The following NELL1 variants were observed in gnomAD, a reference collection of about 807,000 sequenced individuals.
NELL1 encodes protein kinase C-binding protein NELL1.
A neutral mutation model predicts 107.4 loss-of-function variants in NELL1; 76 were observed. The ratio of observed to expected loss-of-function variants is 0.71; its 90% CI spans 0.59 to 0.86. The LOEUF is 0.86. NELL1 is among the 40% of genes least tolerant of loss of function. The pLI is 0.00. For missense variants in NELL1, 1,024 were observed against 1,005.5 expected (o/e 1.02, Z -0.25); for synonymous variants, 353 against 341.2 (o/e 1.03, Z -0.38).
intron 15 of NELL1, among the ~76,000 whole-genome samples, chr11:21,472,882 C>G (rs1292998900): frequency 6.6e-6 from 1 of 151,718 alleles, no homozygotes; most frequent in Non-Finnish European, 1.5e-5. Flanking sequence ...TCTATTTAAG[C>G]CATCTATGTG....
intron 15 of NELL1, among the ~76,000 whole-genome samples, chr11:21,511,985 T>C (rs1325084014): frequency 2.0e-5 from 3 of 152,140 alleles, no homozygotes; most frequent in African/African-American, 7.2e-5. Context: ...CCTGCCTACT[T>C]GAGTCAGATC....
chr11:21,469,681 T>C (rs1187875210), intron 15 of NELL1, among the ~76,000 whole-genome samples: 1 of 152,072 alleles, frequency 6.6e-6, no homozygotes, highest in African/African-American at 2.4e-5. Context: ...AGATAAGGAA[T>C]GTGATTTCAA....
intron 15 of NELL1, among the ~76,000 whole-genome samples, chr11:21,380,518 C>T (rs1481940543): frequency 4.6e-5 from 7 of 151,926 alleles, no homozygotes; most frequent in African/African-American, 1.7e-4. Flanking sequence ...GTTCAGTAAC[C>T]CCTTTCATCT....
intron 15 of NELL1, among the ~76,000 whole-genome samples, chr11:21,487,894 T>C (rs1055165836): frequency 1.3e-5 from 2 of 152,104 alleles, no homozygotes; most frequent in African/African-American, 4.8e-5. Flanking sequence ...TTATTTCAGA[T>C]AAAACAGACT....
In NELL1 at chr11:21,322,362, GAGTT is replaced by G. The variant is rs1318112783; in HGVS notation, c.1550-48490_1550-48487del. On this transcript the variant is annotated intron_variant, in intron 14 of 19. Coordinates refer to ENST00000357134, the MANE Select transcript of NELL1 (RefSeq NM_006157.5). ...TCTAAATCAGATGCTCTGTGATTCTGAGTTTATGAGTTTAGTTGGTGTATGCCCT... is the reference window on the plus strand; with the variant it reads ...TCTAAATCAGATGCTCTGTGATTCTGTATGAGTTTAGTTGGTGTATGCCCT... 5.3e-5 allele frequency among the ~76,000 whole-genome samples: 8 copies of G among 152,204 alleles called. No individual in the cohort carries two copies. In the East Asian group the frequency reaches 1.5e-3, roughly 29 times the overall value.
chr11:20,755,559 T>TATTTTATTTTTTTTTTTTA (rs1554914196), intron 2 of NELL1, among the ~76,000 whole-genome samples: 1 of 17,668 alleles, frequency 5.7e-5, no homozygotes, highest in African/African-American at 1.0e-4. Context: ...TGTTTTTGTT[T>TATTTTATTTTTTTTTTTTA]TTGTTTTTTT....
chr11:21,042,706 C>G (rs747341577), intron 12 of NELL1, among the ~76,000 whole-genome samples: 1 of 152,068 alleles, frequency 6.6e-6, no homozygotes, highest in South Asian at 2.1e-4. Context: ...CTTTGCCATA[C>G]TGACCTGAGG....
At chr11:21,562,520 A>C (rs368339900) in intron 17 of NELL1, among the ~76,000 whole-genome samples, 2 of 152,026 alleles carry the variant, frequency 1.3e-5, no homozygotes, top group East Asian at 1.9e-4. Flanking sequence ...TGAATTAAGC[A>C]TCCTAAATCA....
intron 13 of NELL1, among the ~76,000 whole-genome samples, chr11:21,226,387 G>GC (rs1349033608): frequency 9.2e-5 from 14 of 152,146 alleles, no homozygotes; most frequent in African/African-American, 2.7e-4. Context: ...CAACTGCTCA[G>GC]TAGTGACATG....
intron 12 of NELL1, among the ~76,000 whole-genome samples, chr11:21,070,575 C>T (rs1206855147): frequency 1.3e-5 from 2 of 152,142 alleles, no homozygotes; most frequent in Non-Finnish European, 1.5e-5. Flanking sequence ...CAAAAAAATA[C>T]ATTAATACAG....
At chr11:20,848,204 C>T (rs1404153815) in intron 4 of NELL1, among the ~76,000 whole-genome samples, 6 of 152,188 alleles carry the variant, frequency 3.9e-5, no homozygotes, top group Admixed American at 3.9e-4. Context: ...CTCACCTTTG[C>T]TTAAATATCT....
At chr11:20,787,007 C>CAAA (rs71443763) in intron 3 of NELL1, among the ~76,000 whole-genome samples, 1,319 of 59,834 alleles carry the variant, frequency 0.022, 95 homozygotes, top group Non-Finnish European at 0.024. Flanking sequence ...GACTCCGTCT[C>CAAA]AAAAAAAAAA....
At chr11:21,177,345 T>A (rs988214599) in intron 13 of NELL1, among the ~76,000 whole-genome samples, 1 of 151,800 alleles carries the variant, frequency 6.6e-6, no homozygotes, top group African/African-American at 2.4e-5. Context: ...TCCACATAGA[T>A]GTGAGATCAT....
chr11:20,669,551 G>A, upstream of NELL1: 1 of 276,118 alleles, frequency 3.6e-6, no homozygotes, highest in Non-Finnish European at 6.7e-6. This position sits in a 1 kb window ranked among gnomAD's most constrained non-coding sequence, Gnocchi z 4.4. Context: ...CGGGGCGGCC[G>A]GGGCTGCCTT....
At chr11:21,352,723 G>A (rs372439131) in intron 14 of NELL1, among the ~76,000 whole-genome samples, 2 of 152,114 alleles carry the variant, frequency 1.3e-5, no homozygotes, top group East Asian at 3.9e-4. Context: ...AGTTTCTATT[G>A]CAAACTGCTT....
chr11:21,568,832 C>A (rs894269232), intron 17 of NELL1, among the ~76,000 whole-genome samples: 3 of 150,850 alleles, frequency 2.0e-5, no homozygotes, highest in Non-Finnish European at 4.4e-5. Context: ...TTCTGGAATA[C>A]CTCCTGAGGA....
chr11:21,511,662 G>A lies in NELL1; in HGVS notation c.1646-22712G>A, dbSNP rs1855439132. On this transcript the variant is annotated intron_variant, in intron 15 of 19. Coordinates refer to ENST00000357134, the MANE Select transcript of NELL1 (RefSeq NM_006157.5). ...TCAGACTGTGGCATTTGAACTGCGA[G>A]CTAAATAAAAGAAGGATTATATATT... is the stretch of plus-strand genomic sequence containing the variant. Among the ~76,000 whole-genome samples the A allele has an allele frequency of 3.3e-5, 5 of 152,162 alleles. No homozygotes were observed. In the South Asian group the frequency reaches 1.0e-3, roughly 32 times the overall value.
At chr11:20,766,271 G>C (rs1856526948) in intron 2 of NELL1, among the ~76,000 whole-genome samples, 1 of 152,184 alleles carries the variant, frequency 6.6e-6, no homozygotes, top group South Asian at 2.1e-4. Context: ...ATTTTCATGT[G>C]AAGTCATGTC....
chr11:21,007,669 C>T (rs565091530), intron 12 of NELL1, among the ~76,000 whole-genome samples: 1 of 152,062 alleles, frequency 6.6e-6, no homozygotes, highest in South Asian at 2.1e-4. Flanking sequence ...GTAGGAGGGA[C>T]ACCTGTACAT....
Sources: allele counts gnomAD v4.1 joint callset (sites outside exome capture counted in the v4.1 genomes callset), GRCh38; gene constraint gnomAD v4.1.1; non-coding constraint Gnocchi (gnomAD v3.1); transcripts MANE v1.5; gene names NCBI Gene and HGNC (gene_info 2026-07-23, HGNC 2026-07-21).